Variants in SMG6 observed in about 807,000 individuals in gnomAD.
SMG6 encodes the protein telomerase-binding protein EST1A.
SMG6 carries 66 observed loss-of-function variants against 142.2 expected under a neutral mutation model. The observed-to-expected ratio is 0.46, with a 90% CI of 0.38 to 0.57. The LOEUF is 0.57. Among genes scored for constraint, SMG6 ranks in the 20% least tolerant of loss-of-function variants. The pLI is 0.00. For missense variants in SMG6, 1,793 were observed against 1,832.0 expected, an observed-to-expected ratio of 0.98 and a Z score of 0.39; for synonymous variants, 779 against 702.4, an observed-to-expected ratio of 1.11 and a Z score of -1.72.
intron 13 of SMG6, among the ~76,000 whole-genome samples, chr17:2,091,126 A>G (rs2068703834): frequency 6.6e-6 from 1 of 152,234 alleles, no homozygotes; most frequent in African/African-American, 2.4e-5. Flanking sequence ...AGGAAACTGA[A>G]GGGTGGGAAG....
intron 8 of SMG6, among the ~76,000 whole-genome samples, chr17:2,262,389 T>C (rs985577547): frequency 6.6e-6 from 1 of 152,216 alleles, no homozygotes; most frequent in East Asian, 1.9e-4. Context: ...CTATCTACAT[T>C]GTGATGAATC....
chr17:2,217,160 C>G (rs1243350193), intron 10 of SMG6, among the ~76,000 whole-genome samples: 1 of 152,096 alleles, frequency 6.6e-6, no homozygotes, highest in Non-Finnish European at 1.5e-5. Context: ...AGTAAACAAT[C>G]AGAATTAGAA....
chr17:2,141,314 G>C (rs541770302), intron 13 of SMG6, among the ~76,000 whole-genome samples: 25 of 152,294 alleles, frequency 1.6e-4, no homozygotes, highest in African/African-American at 5.5e-4. Flanking sequence ...AAAAGAAAAC[G>C]TAAAGAGAAT....
At chr17:2,158,902 A>T (rs1212573428) in intron 13 of SMG6, among the ~76,000 whole-genome samples, 148 of 147,424 alleles carry the variant, frequency 1.0e-3, no homozygotes, top group Non-Finnish European at 1.8e-3. Context: ...ACTATGTTTA[A>T]AAAAAAAAAA....
At chr17:2,166,975 A>C (rs896017288) in intron 13 of SMG6, among the ~76,000 whole-genome samples, 3 of 152,010 alleles carry the variant, frequency 2.0e-5, no homozygotes, top group Non-Finnish European at 4.4e-5. Context: ...AAAATACAAA[A>C]AAATTAGCTA....
intron 12 of SMG6, among the ~76,000 whole-genome samples, chr17:2,176,599 TACGCA>T (rs2071659288): frequency 6.6e-6 from 1 of 152,124 alleles, no homozygotes; most frequent in South Asian, 2.1e-4. Flanking sequence ...AGCCAGAGAA[TACGCA>T]ACTGTGTCCA....
intron 10 of SMG6, among the ~76,000 whole-genome samples, chr17:2,219,053 G>A (rs1330721649): frequency 6.6e-6 from 1 of 152,184 alleles, no homozygotes; most frequent in Non-Finnish European, 1.5e-5. Context: ...ACAAATACAT[G>A]AAGGCCTACA....
At chr17:2,265,509 C>CAA (rs375177968) in intron 8 of SMG6, among the ~76,000 whole-genome samples, 37,830 of 142,592 alleles carry the variant, frequency 0.27, 6,136 homozygotes, top group Admixed American at 0.36. Flanking sequence ...GACTGCCTCT[C>CAA]AAAAAAAAAA....
At chr17:2,210,101 A>T (rs2151743918) in intron 10 of SMG6, among the ~76,000 whole-genome samples, 1 of 152,192 alleles carries the variant, frequency 6.6e-6, no homozygotes, top group African/African-American at 2.4e-5. Flanking sequence ...GAGTACTTGG[A>T]AAGGTTAGCC....
chr17:2,170,231 G>A (rs1035773807), intron 13 of SMG6, among the ~76,000 whole-genome samples: 2 of 152,188 alleles, frequency 1.3e-5, no homozygotes, highest in African/African-American at 2.4e-5. Flanking sequence ...TAGGTAGCCT[G>A]TGGATCACTA....
chr17:2,112,493 G>C (rs1268147518), intron 13 of SMG6, among the ~76,000 whole-genome samples: 2 of 149,554 alleles, frequency 1.3e-5, no homozygotes, highest in East Asian at 3.9e-4. Context: ...GGGTGACTGA[G>C]CAAGACTCTG....
chr17:2,073,675 C>T (rs1331830451), intron 15 of SMG6, among the ~76,000 whole-genome samples: 2 of 139,684 alleles, frequency 1.4e-5, no homozygotes, highest in African/African-American at 5.4e-5. Context: ...TGCCACTGCA[C>T]TCCAGCCTGG....
chr17:2,282,535 G>A (rs1398382878), intron 8 of SMG6, 112 bp downstream of exon 8: 1 of 1,051,560 alleles, frequency 9.5e-7, no homozygotes, highest in African/African-American at 1.6e-5. Context: ...GCCTCAAGTG[G>A]TTTGTCTTCC....
chr17:2,299,152 G>A lies in SMG6; in HGVS notation c.1601C>T (p.Pro534Leu), dbSNP rs2151413960. 1.2e-6 allele frequency: 2 copies of A among 1,612,872 alleles called. No homozygotes were observed. The highest frequency in any genetic ancestry group is 1.7e-4 in the Middle Eastern group (1 of 6,058). ...AGGCCCTGGGTACACACCATTCGTA[G>A]GGCCCACTGGGTACTGTAGAGGGTT... is the stretch of plus-strand genomic sequence containing the variant. ...GYNPLQYPVG[P>L]TNGVYPGPYY... The change falls in exon 2 of 19, where the codon CCT becomes CTT. Residue 534 changes from proline (P) to leucine (L), a missense_variant. Pro to Leu is a moderately conservative substitution (Grantham distance 98). Transcript: ENST00000263073. The surrounding 1 kb of genome is among the most constrained non-coding windows in gnomAD (Gnocchi z 4.3).
chr17:2,254,669 A>T (rs556799765), intron 8 of SMG6, among the ~76,000 whole-genome samples: 1 of 152,282 alleles, frequency 6.6e-6, no homozygotes, highest in Admixed American at 6.5e-5. Context: ...AGGTTGACAC[A>T]GCGTAAGAGG....
At chr17:2,096,128 A>G (rs1489242683) in intron 13 of SMG6, among the ~76,000 whole-genome samples, 1 of 152,060 alleles carries the variant, frequency 6.6e-6, no homozygotes, top group Non-Finnish European at 1.5e-5. Context: ...TGCTGCCTCA[A>G]ATAACTGGGC....
At chr17:2,125,939 T>C (rs544230991) in intron 13 of SMG6, among the ~76,000 whole-genome samples, 1 of 107,060 alleles carries the variant, frequency 9.3e-6, no homozygotes, top group Admixed American at 1.3e-4. Flanking sequence ...GGAGATGGAG[T>C]GAGAACCCAT....
chr17:2,111,871 C>T (rs895013176), intron 13 of SMG6, among the ~76,000 whole-genome samples: 6 of 152,120 alleles, frequency 3.9e-5, no homozygotes, highest in Non-Finnish European at 5.9e-5. Context: ...CTTGCACACC[C>T]GCTCCATGCA....
At chr17:2,250,447 G>A (rs1436683987) in intron 8 of SMG6, among the ~76,000 whole-genome samples, 2 of 151,584 alleles carry the variant, frequency 1.3e-5, no homozygotes, top group Non-Finnish European at 2.9e-5. Context: ...GAGTACAGTG[G>A]CACAATCAAG....
Sources: allele counts gnomAD v4.1 joint callset (sites outside exome capture counted in the v4.1 genomes callset), GRCh38; gene constraint gnomAD v4.1.1; non-coding constraint Gnocchi (gnomAD v3.1); transcripts MANE v1.5; gene names NCBI Gene and HGNC (gene_info 2026-07-23, HGNC 2026-07-21).